Variants in NSD3 observed in about 807,000 individuals in gnomAD.
NSD3 encodes nuclear receptor binding SET domain protein 3.
NSD3 carries 24 observed loss-of-function variants against 160.8 expected under a neutral mutation model. The observed-to-expected ratio is 0.15, with a 90% confidence interval of 0.11 to 0.21. The LOEUF (loss-of-function observed/expected upper bound fraction) is 0.21. Among genes scored for constraint, NSD3 ranks in the 10% least tolerant of loss-of-function variants. The pLI is 1.00. For missense variants in NSD3, 1,157 were observed against 1,735.9 expected (o/e 0.67, Z 5.93); for synonymous variants, 520 against 600.0 (o/e 0.87, Z 1.95).
chr8:38,286,584 G>A (rs182319413), intron 19 of NSD3, among the ~76,000 whole-genome samples: 151 of 152,326 alleles, frequency 9.9e-4, no homozygotes, highest in Middle Eastern at 3.4e-3. Context: ...TAACATTTGT[G>A]TGTGGCAATA....
intron 2 of NSD3, among the ~76,000 whole-genome samples, chr8:38,341,224 A>G (rs1301739744): frequency 6.6e-6 from 1 of 152,128 alleles, no homozygotes; most frequent in African/African-American, 2.4e-5. Flanking sequence ...TATGAAGGTC[A>G]GGAAAAGCCT....
In NSD3 at chr8:38,329,507, C is replaced by T. The variant is rs748321100; in HGVS notation, c.1452G>A (p.Thr484=). 8 of 1,614,216 alleles carry T rather than the reference C, an allele frequency of 5.0e-6. No individual in the cohort carries two copies. Among genetic ancestry groups the T allele is most frequent in the East Asian group, 2.2e-5 (1 of 44,882 alleles). ...GCAAATCCAGGCTCCCTTTGTGCAT[C>T]GTAATGGAAGCTGGTAAGGATTTCC... ...AARKSLPASI[T]MHKGSLDLQK... is the part of the protein sequence containing the mutation. The change falls in exon 6 of 24, where the codon ACG becomes ACA. Residue 484 remains threonine (T), a synonymous_variant. Transcript: ENST00000317025. The surrounding 1 kb of genome is among the most constrained non-coding windows in gnomAD (Gnocchi z 4.8).
At chr8:38,344,079 AT>A (rs1810453404) in intron 2 of NSD3, among the ~76,000 whole-genome samples, 1 of 152,118 alleles carries the variant, frequency 6.6e-6, no homozygotes, top group Non-Finnish European at 1.5e-5. Context: ...AAAATATACA[AT>A]TTCAGTAGTG....
intron 20 of NSD3, 39 bp downstream of exon 20, chr8:38,281,426 AAC>A: frequency 8.8e-7 from 1 of 1,137,660 alleles, no homozygotes; most frequent in Non-Finnish European, 1.2e-6. Context: ...CAAAAACAAA[AAC>A]AAATCCCTTT....
Position 38,338,591 on chromosome 8 carries a change from AC to A in NSD3, c.691del (p.Val231LeufsTer14). The A allele has an allele frequency of 6.2e-7, 1 of 1,613,902 alleles. No individual in the cohort carries two copies. Among genetic ancestry groups the A allele is most frequent in the Non-Finnish European group, 8.5e-7 (1 of 1,179,890 alleles). Reference protein sequence around the residue: ...PEEQNRPNERVDTVSEKPREE... With the variant: ...PEEQNRPNERXDTVSEKPREE... ...CCTTGGTTTTTCTGATACAGTGTCA[AC>A]CCTCTCATTTGGTCTCTAGGTGAAA... is the stretch of plus-strand genomic sequence containing the variant. On this transcript the variant is annotated frameshift_variant, in exon 3 of 24. Coordinates refer to ENST00000317025, the MANE Select transcript of NSD3 (RefSeq NM_023034.2). LOFTEE classifies it high-confidence loss of function.
intron 4 of NSD3, among the ~76,000 whole-genome samples, chr8:38,336,511 T>C (rs1042845974): frequency 6.6e-6 from 1 of 151,956 alleles, no homozygotes; most frequent in African/African-American, 2.4e-5. Flanking sequence ...GAATGGAGTG[T>C]AGAGGAAAAA....
chr8:38,281,411 T>C (rs1281628000), intron 20 of NSD3, 56 bp downstream of exon 20: 2 of 979,264 alleles, frequency 2.0e-6, no homozygotes, highest in Non-Finnish European at 2.9e-6. Flanking sequence ...ATTAAGACTA[T>C]GAAACAAAAA....
intron 12 of NSD3, 62 bp downstream of exon 12, chr8:38,314,585 A>T (rs936838928): frequency 6.2e-7 from 1 of 1,604,720 alleles, no homozygotes; most frequent in Non-Finnish European, 8.5e-7. Context: ...AGAGGTTGTC[A>T]GTGCACATTC....
chr8:38,308,833 G>A (rs965890994), intron 12 of NSD3, among the ~76,000 whole-genome samples: 1 of 151,742 alleles, frequency 6.6e-6, no homozygotes, highest in African/African-American at 2.4e-5. Flanking sequence ...TATAAAATAA[G>A]CCTTCATTTA....
At chr8:38,303,400 T>C in intron 14 of NSD3, 1 of 985,450 alleles carries the variant, frequency 1.0e-6, no homozygotes, top group Non-Finnish European at 1.2e-6. Context: ...TTGACACTGC[T>C]GTAGTTAAGA....
chr8:38,361,779 A>AAG (rs1810973629), intron 1 of NSD3, among the ~76,000 whole-genome samples: 1 of 150,160 alleles, frequency 6.7e-6, no homozygotes, highest in Admixed American at 6.6e-5. Context: ...AAAAAAAAAA[A>AAG]GACAGAAAGG....
At position 38,288,236 on chromosome 8, in the gene NSD3, T is replaced by C. The variant is rs73674143; in HGVS notation, c.3501+251A>G. ...AAAAACAAGTAAAAACCATTTCACA[T>C]AGAAATTACCAGTGTCCCCTCTCTC... is the stretch of plus-strand genomic sequence containing the variant. On this transcript the variant is annotated intron_variant, in intron 19 of 23. Coordinates refer to ENST00000317025, the MANE Select transcript of NSD3 (RefSeq NM_023034.2). This position sits in a 1 kb window ranked among gnomAD's most constrained non-coding sequence, Gnocchi z 4.5. Among the ~76,000 whole-genome samples the C allele has an allele frequency of 8.9e-3, 1,353 of 152,190 alleles. 22 individuals are homozygous for C. Among genetic ancestry groups the C allele is most frequent in the African/African-American group, 0.03 (1,236 of 41,524 alleles).
intron 7 of NSD3, among the ~76,000 whole-genome samples, chr8:38,324,663 A>G (rs529217867): frequency 1.1e-4 from 17 of 152,132 alleles, no homozygotes; most frequent in Non-Finnish European, 1.9e-4. Flanking sequence ...CCTGCATAAT[A>G]TAAGTGTTTT....
intron 2 of NSD3, among the ~76,000 whole-genome samples, chr8:38,343,472 T>A (rs1042390524): frequency 6.6e-6 from 1 of 152,012 alleles, no homozygotes; most frequent in Non-Finnish European, 1.5e-5. Flanking sequence ...GAGGCCAAGG[T>A]GGGTGGATCA....
intron 19 of NSD3, among the ~76,000 whole-genome samples, chr8:38,282,548 G>A (rs1472166494): frequency 6.6e-6 from 1 of 152,200 alleles, no homozygotes; most frequent in Non-Finnish European, 1.5e-5. Context: ...GCACATGCCT[G>A]TAATCCCAGC....
At chr8:38,322,905 T>C (rs1275010543) in intron 7 of NSD3, among the ~76,000 whole-genome samples, 2 of 152,220 alleles carry the variant, frequency 1.3e-5, no homozygotes, top group African/African-American at 2.4e-5. Flanking sequence ...AGTTTCTATT[T>C]TGACTTTTCA....
At chr8:38,372,748 G>A (rs1262258565) in intron 1 of NSD3, among the ~76,000 whole-genome samples, 13 of 150,388 alleles carry the variant, frequency 8.6e-5, no homozygotes, top group African/African-American at 2.9e-4. Context: ...CGCCCGCCTC[G>A]GCCTCCCAAA....
intron 2 of NSD3, 114 bp from the exon 3 acceptor site, chr8:38,338,721 G>C: frequency 6.1e-6 from 5 of 822,692 alleles, no homozygotes; most frequent in Non-Finnish European, 1.0e-5. Context: ...AGAATAAAGG[G>C]CATTTATTAA....
At chr8:38,353,014 GACATAAGTACT>G (rs1810739396) in intron 1 of NSD3, among the ~76,000 whole-genome samples, 1 of 152,172 alleles carries the variant, frequency 6.6e-6, no homozygotes, top group Non-Finnish European at 1.5e-5. Context: ...CTAAGTGCTT[GACATAAGTACT>G]ACGTTTAATC....
Sources: allele counts gnomAD v4.1 joint callset (sites outside exome capture counted in the v4.1 genomes callset), GRCh38; gene constraint gnomAD v4.1.1; non-coding constraint Gnocchi (gnomAD v3.1); transcripts MANE v1.5; gene names NCBI Gene and HGNC (gene_info 2026-07-23, HGNC 2026-07-21).